The following ERBB4 variants were observed in gnomAD, a reference collection of about 807,000 sequenced individuals.
The protein encoded by ERBB4 is receptor tyrosine-protein kinase erbB-4.
In ERBB4, 42 loss-of-function variants were observed where a neutral mutation model predicts 158.0. The observed-to-expected ratio is 0.27, with a 90% CI of 0.21 to 0.34. The LOEUF is 0.34. Among genes scored for constraint, ERBB4 ranks in the 10% least tolerant of loss-of-function variants. ERBB4 has a pLI of 1.00. For missense variants in ERBB4, 1,333 were observed against 1,624.1 expected, an observed-to-expected ratio of 0.82 and a Z score of 3.08; for synonymous variants, 583 against 558.7, an observed-to-expected ratio of 1.04 and a Z score of -0.61.
At chr2:211,455,943 C>A (rs752235682) in intron 20 of ERBB4, among the ~76,000 whole-genome samples, 4 of 152,124 alleles carry the variant, frequency 2.6e-5, no homozygotes, top group African/African-American at 9.7e-5. Flanking sequence ...CAGTTCACAG[C>A]GTAAAGTTTC....
intron 1 of ERBB4, among the ~76,000 whole-genome samples, chr2:212,162,397 T>G (rs950320703): frequency 6.6e-6 from 1 of 151,832 alleles, no homozygotes; most frequent in Non-Finnish European, 1.5e-5. Flanking sequence ...ATTAAAATAG[T>G]GTTTATCTTG....
At chr2:211,653,350 GT>G (rs1275593040) in intron 16 of ERBB4, among the ~76,000 whole-genome samples, 1 of 152,122 alleles carries the variant, frequency 6.6e-6, no homozygotes, top group Admixed American at 6.5e-5. Context: ...TGTAAATGAA[GT>G]GTGGAAACCA....
intron 1 of ERBB4, among the ~76,000 whole-genome samples, chr2:212,372,566 G>T (rs2090125955): frequency 6.6e-6 from 1 of 152,020 alleles, no homozygotes. Context: ...TGGCCAACAT[G>T]ATAAAACCCC....
chr2:212,520,956 A>C (rs1245792432), intron 1 of ERBB4, among the ~76,000 whole-genome samples: 1 of 151,964 alleles, frequency 6.6e-6, no homozygotes, highest in Non-Finnish European at 1.5e-5. Flanking sequence ...ACTGTAATAT[A>C]GGGAAAGCAC....
chr2:212,065,247 G>C (rs769714495), intron 2 of ERBB4, among the ~76,000 whole-genome samples: 4 of 151,972 alleles, frequency 2.6e-5, no homozygotes, highest in African/African-American at 4.8e-5. Context: ...TTACTCTCTA[G>C]TATGAATAGA....
chr2:211,479,675 T>C (rs2065035909), intron 20 of ERBB4, among the ~76,000 whole-genome samples: 1 of 152,170 alleles, frequency 6.6e-6, no homozygotes, highest in Admixed American at 6.6e-5. Flanking sequence ...TTTCTTTTGG[T>C]GCAAAGCTTG....
At chr2:211,563,992 T>C (rs2067479985) in intron 19 of ERBB4, among the ~76,000 whole-genome samples, 1 of 152,316 alleles carries the variant, frequency 6.6e-6, no homozygotes, top group East Asian at 1.9e-4. Flanking sequence ...ACAAATTATA[T>C]TGAGTTTCCA....
chr2:211,754,665 C>A (rs1289024180), intron 4 of ERBB4, among the ~76,000 whole-genome samples: 2 of 149,684 alleles, frequency 1.3e-5, no homozygotes, highest in Non-Finnish European at 3.0e-5. Flanking sequence ...TCTAGGCCTA[C>A]CAAAGTGTTG....
At chr2:211,622,242 G>A (rs2069632238) in intron 18 of ERBB4, among the ~76,000 whole-genome samples, 1 of 152,130 alleles carries the variant, frequency 6.6e-6, no homozygotes, top group Admixed American at 6.6e-5. Flanking sequence ...AAATGATACA[G>A]TCTGAGTCTG....
intron 1 of ERBB4, among the ~76,000 whole-genome samples, chr2:212,400,163 C>A (rs1346691059): frequency 2.6e-5 from 4 of 152,092 alleles, no homozygotes; most frequent in Non-Finnish European, 5.9e-5. Flanking sequence ...GGACTTTATA[C>A]CAAGGACAAT....
At position 211,420,561 on chromosome 2, in the gene ERBB4, C is replaced by G; in HGVS notation, c.3015G>C (p.Gln1005His). The stretch of plus-strand genomic sequence containing the variant: ...CCAAATCCTCTTCATCCAAGAGATT[C>G]TGAAAGAACTTGCTGTCATTTGGAC... ...LPSPNDSKFFQNLLDEEDLED... is the reference protein window; with the variant it reads ...LPSPNDSKFFHNLLDEEDLED... The change falls in exon 25 of 28, where the codon CAG (glutamine) becomes CAC (histidine). Residue 1005 changes from glutamine to histidine, a missense_variant. Around this residue, in one of 5 missense-constraint regions of ERBB4, gnomAD observed 314 missense variants for 437.6 expected, o/e 0.72. Transcript: ENST00000342788. The G allele has an allele frequency of 6.2e-7, 1 of 1,613,014 alleles. No individual in the cohort carries two copies. The highest frequency in any genetic ancestry group is 8.5e-7 in the Non-Finnish European group (1 of 1,179,228).
intron 25 of ERBB4, among the ~76,000 whole-genome samples, chr2:211,412,950 C>CA (rs113603752): frequency 0.56 from 67,554 of 120,802 alleles, 19,250 homozygotes; most frequent in South Asian, 0.68. Flanking sequence ...GGGACTGTCT[C>CA]AAAAAAAAAA....
intron 1 of ERBB4, among the ~76,000 whole-genome samples, chr2:212,268,817 G>A (rs1433461258): frequency 2.0e-5 from 3 of 151,704 alleles, no homozygotes; most frequent in East Asian, 3.9e-4. Context: ...GAACTAGGAG[G>A]GATGCTGAGC....
chr2:212,140,056 T>C (rs2125602334), intron 1 of ERBB4, among the ~76,000 whole-genome samples: 1 of 151,962 alleles, frequency 6.6e-6, no homozygotes, highest in East Asian at 1.9e-4. Context: ...TGATTATAAC[T>C]TGTAAAGAAG....
chr2:212,274,831 G>C (rs1256510351), intron 1 of ERBB4, among the ~76,000 whole-genome samples: 1 of 151,660 alleles, frequency 6.6e-6, no homozygotes, highest in African/African-American at 2.4e-5. Context: ...ATGCAGGTTT[G>C]TTACATAGGT....
At chr2:212,009,890 C>T (rs551586445) in intron 2 of ERBB4, among the ~76,000 whole-genome samples, 6 of 152,166 alleles carry the variant, frequency 3.9e-5, no homozygotes, top group African/African-American at 7.2e-5. Flanking sequence ...AGAAATATAA[C>T]ATCTCTTGTC....
intron 20 of ERBB4, among the ~76,000 whole-genome samples, chr2:211,443,457 G>A (rs571373650): frequency 1.4e-4 from 21 of 152,086 alleles, no homozygotes; most frequent in Non-Finnish European, 2.6e-4. Flanking sequence ...AGGAAATTAG[G>A]GTATTGCTCA....
chr2:211,843,309 T>C (rs1432915126), intron 3 of ERBB4, among the ~76,000 whole-genome samples: 1 of 152,126 alleles, frequency 6.6e-6, no homozygotes, highest in Non-Finnish European at 1.5e-5. Flanking sequence ...CAAATAATGT[T>C]CCAAAAAAGC....
At chr2:212,110,169 G>A (rs2079360358) in intron 2 of ERBB4, among the ~76,000 whole-genome samples, 4 of 152,146 alleles carry the variant, frequency 2.6e-5, no homozygotes, top group Admixed American at 2.6e-4. Context: ...AGGAGTCAAA[G>A]GTGTATAGGT....
Sources: gnomAD v4.1 joint callset for allele counts (sites outside exome capture counted in the v4.1 genomes callset) on GRCh38, gnomAD v4.1.1 for gene constraint, gnomAD v4.1.1 regional missense constraint, MANE v1.5 for transcripts, NCBI Gene and HGNC (gene_info 2026-07-23, HGNC 2026-07-21) for gene names.